MADD: variants seen among roughly 807,000 people sequenced by gnomAD.
MADD encodes the protein MAP kinase-activating death domain protein.
A neutral mutation model predicts 176.7 loss-of-function variants in MADD; 109 were observed. That is an observed-to-expected ratio of 0.62 (90% confidence interval 0.53 to 0.72). The LOEUF (loss-of-function observed/expected upper bound fraction) is 0.72. Among genes scored for constraint, MADD ranks in the 30% least tolerant of loss-of-function variants. The pLI, the probability that MADD is intolerant of heterozygous loss-of-function variation, is 0.00. For missense variants in MADD, 1,914 were observed against 2,045.5 expected, an observed-to-expected ratio of 0.94 and a Z score of 1.24; for synonymous variants, 771 against 771.3, an observed-to-expected ratio of 1.00 and a Z score of 0.01.
At chr11:47,279,195 C>A in intron 7 of MADD, 116 bp downstream of exon 7, 1 of 960,746 alleles carries the variant, frequency 1.0e-6, no homozygotes, top group South Asian at 1.4e-5. Flanking sequence ...TAGTTTTCTT[C>A]ACCCTGGATG....
At chr11:47,285,572 G>C in exon 14 of MADD, 2 of 1,614,074 alleles carry the variant, frequency 1.2e-6, no homozygotes, top group Non-Finnish European at 1.7e-6. Context: ...GGGCTTCGGG[G>C]GCATCATGTC....
chr11:47,316,385 CTT>C (rs1008702414), intron 27 of MADD, among the ~76,000 whole-genome samples: 3 of 130,200 alleles, frequency 2.3e-5, no homozygotes, highest in Admixed American at 8.0e-5. Context: ...TTTTCTTTTT[CTT>C]TTTTTTTTTT....
chr11:47,287,108 G>A (rs942307003), intron 15 of MADD, among the ~76,000 whole-genome samples: 4 of 152,166 alleles, frequency 2.6e-5, no homozygotes, highest in African/African-American at 4.8e-5. Flanking sequence ...GGTGGATCAC[G>A]AGGTCAGGAG....
Position 47,275,137 on chromosome 11 carries a change from G to A in MADD, c.637G>A (p.Gly213Ser), listed in dbSNP as rs1203753682. 3 of 1,613,704 alleles carry A rather than the reference G, an allele frequency of 1.9e-6. No homozygotes were observed. The Admixed American group carries it at 5.0e-5, about 27-fold the overall frequency. Residue 213 changes from glycine (G) to serine (S), a missense_variant, in exon 3 of 33, where the codon GGC becomes AGC. Coordinates refer to ENST00000402192, the Ensembl canonical transcript of MADD. ...TGAGCGCCTTCTGGGCAAGAAACTG[G>A]GCATCCCTCGAGGCGTACAAAGGTA...
Position 47,309,275 on chromosome 11 carries a change from A to G in MADD, c.3752-6A>G, listed in dbSNP as rs372826479. ...AGGCCCCCTAAGAAACCTTTATTCT[A>G]TGCAGGCAAAGAGCGTTCTACTTTA... On this transcript the variant is annotated splice_region_variant and splice_polypyrimidine_tract_variant and intron_variant, in intron 23 of 32. Coordinates refer to ENST00000402192, the Ensembl canonical transcript of MADD. 2.8e-5 allele frequency: 45 copies of G among 1,613,202 alleles called. No homozygotes were observed. Among genetic ancestry groups the G allele is most frequent in the Middle Eastern group, 1.6e-4 (1 of 6,080 alleles).
At chr11:47,289,290 T>G in intron 15 of MADD, 101 bp from the exon 17 acceptor site, 1 of 1,013,356 alleles carries the variant, frequency 9.9e-7, no homozygotes, top group Non-Finnish European at 1.5e-6. Context: ...CACCCAGCCC[T>G]TCTGAGGAAC....
At chr11:47,327,413 T>C (rs1387024789) in intron 31 of MADD, 1 of 985,280 alleles carries the variant, frequency 1.0e-6, no homozygotes, top group Non-Finnish European at 1.2e-6. Flanking sequence ...GTGCCCCTCA[T>C]CGCTGCTATG....
chr11:47,328,366 C>G, intron 31 of MADD: 1 of 1,341,932 alleles, frequency 7.5e-7, no homozygotes, highest in Non-Finnish European at 9.6e-7. Flanking sequence ...AGGCCCGTCC[C>G]TCCCATCCAG....
intron 27 of MADD, among the ~76,000 whole-genome samples, chr11:47,318,908 A>G (rs764159778): frequency 1.4e-5 from 2 of 143,604 alleles, no homozygotes; most frequent in Non-Finnish European, 3.0e-5. Context: ...CCCAGGTTCA[A>G]GCGATTCTCC....
intron 20 of MADD, 76 bp downstream of exon 22, chr11:47,294,059 C>A: frequency 8.1e-7 from 1 of 1,228,946 alleles, no homozygotes; most frequent in Non-Finnish European, 1.2e-6. Flanking sequence ...TAAAATAGAA[C>A]AGTCAGACAG....
At chr11:47,284,762 A>G (rs2059431227) in intron 12 of MADD, among the ~76,000 whole-genome samples, 179 bp from the exon 13 acceptor site, 1 of 152,168 alleles carries the variant, frequency 6.6e-6, no homozygotes, top group African/African-American at 2.4e-5. Flanking sequence ...TGTTCAGGGT[A>G]CAGCTATGAT....
chr11:47,298,787 C>T (rs1458174588), intron 22 of MADD, among the ~76,000 whole-genome samples: 2 of 152,118 alleles, frequency 1.3e-5, no homozygotes, highest in Non-Finnish European at 2.9e-5. Flanking sequence ...GCTACGTTTT[C>T]TTCTAGTAGT....
chr11:47,276,714 C>G lies in MADD; in HGVS notation c.964-18C>G, dbSNP rs1216965990. On this transcript the variant is annotated intron_variant, in intron 4 of 32. Coordinates refer to ENST00000402192, the Ensembl canonical transcript of MADD. Reference sequence around the variant, plus strand: ...ATTTTATGTTTTGGAGTGATTCTTACTGGATGGCTCATGACAGGTGGTGCT... The same window carrying G: ...ATTTTATGTTTTGGAGTGATTCTTAGTGGATGGCTCATGACAGGTGGTGCT... 4 of 1,613,076 alleles carry G rather than the reference C, an allele frequency of 2.5e-6. No individual in the cohort carries two copies. The highest frequency in any genetic ancestry group is 3.4e-6 in the Non-Finnish European group (4 of 1,179,388).
At chr11:47,322,125 A>G (rs992534157) in intron 27 of MADD, among the ~76,000 whole-genome samples, 1 of 152,166 alleles carries the variant, frequency 6.6e-6, no homozygotes, top group Non-Finnish European at 1.5e-5. Flanking sequence ...TTTAGTCTTC[A>G]TAGTAACTGT....
intron 15 of MADD, 44 bp downstream of exon 16, chr11:47,289,071 T>C (rs1006963235): frequency 1.5e-5 from 23 of 1,541,806 alleles, no homozygotes; most frequent in Non-Finnish European, 1.6e-5. Context: ...TTTTTTTCTC[T>C]AGCATCTTCT....
exon 19 of MADD, chr11:47,290,693 C>G (rs768730247): frequency 6.2e-7 from 1 of 1,613,960 alleles, no homozygotes; most frequent in Admixed American, 1.7e-5. Context: ...GCGGGGGGAC[C>G]CAAAGGCTAT....
At chr11:47,316,385 CTTT>C (rs1008702414) in intron 27 of MADD, among the ~76,000 whole-genome samples, 1 of 130,222 alleles carries the variant, frequency 7.7e-6, no homozygotes, top group Non-Finnish European at 1.7e-5. Context: ...TTTTCTTTTT[CTTT>C]TTTTTTTTTT....
At chr11:47,296,005 A>G in exon 22 of MADD, 4 of 1,614,130 alleles carry the variant, frequency 2.5e-6, no homozygotes, top group South Asian at 1.1e-5. Context: ...CTCTCGGGGC[A>G]CTTTGTCTGA....
chr11:47,283,155 G>A (rs1342451463), intron 10 of MADD, among the ~76,000 whole-genome samples, 186 bp downstream of exon 10: 4 of 152,156 alleles, frequency 2.6e-5, no homozygotes, highest in African/African-American at 7.2e-5. Context: ...GTGCAGTGAC[G>A]CAATCTCGGC....
Sources: allele counts gnomAD v4.1 joint callset (sites outside exome capture counted in the v4.1 genomes callset), GRCh38; gene constraint gnomAD v4.1.1; transcripts MANE v1.5; gene names NCBI Gene and HGNC (gene_info 2026-07-23, HGNC 2026-07-21).